The following DLGAP2 variants were observed in gnomAD, a reference collection of about 807,000 sequenced individuals.
The protein encoded by DLGAP2 is disks large-associated protein 2.
In DLGAP2, 26 loss-of-function variants were observed where a neutral mutation model predicts 100.3. That is an observed-to-expected ratio of 0.26 (90% CI 0.19 to 0.36). DLGAP2 has a LOEUF of 0.36. Among genes scored for constraint, DLGAP2 ranks in the 10% least tolerant of loss-of-function variants. The pLI is 1.00. For synonymous variants in DLGAP2, 886 were observed against 630.1 expected (o/e 1.41, Z -6.08); for missense variants, 1,858 against 1,453.2 (o/e 1.28, Z -4.53).
chr8:1,504,526 C>G (rs1799836307), intron 4 of DLGAP2, among the ~76,000 whole-genome samples: 1 of 152,152 alleles, frequency 6.6e-6, no homozygotes, highest in Admixed American at 6.5e-5. Flanking sequence ...AAATGCTGCA[C>G]CCTTCCGCCA....
chr8:1,569,567 T>A (rs1259871449), intron 6 of DLGAP2, among the ~76,000 whole-genome samples: 1 of 152,252 alleles, frequency 6.6e-6, no homozygotes, highest in Non-Finnish European at 1.5e-5. Flanking sequence ...TCTTAGTTTA[T>A]CTTATATTCC....
chr8:797,117 G>A (rs1796051623), intron 1 of DLGAP2, among the ~76,000 whole-genome samples: 1 of 152,172 alleles, frequency 6.6e-6, no homozygotes, highest in South Asian at 2.1e-4. Flanking sequence ...TATTAAGTGA[G>A]TTCCATGAGT....
chr8:1,568,252 C>T (rs1266679236), intron 6 of DLGAP2, among the ~76,000 whole-genome samples: 1 of 124,358 alleles, frequency 8.0e-6, no homozygotes, highest in Non-Finnish European at 1.7e-5. Context: ...CTGCCCATGG[C>T]CCCCGTGCCA....
At chr8:1,212,259 G>T (rs191351821) in intron 2 of DLGAP2, among the ~76,000 whole-genome samples, 1 of 152,164 alleles carries the variant, frequency 6.6e-6, no homozygotes, top group Non-Finnish European at 1.5e-5. Flanking sequence ...ATCTCACCAG[G>T]GAAAGAAGGG....
At chr8:969,425 T>A (rs530466727) in intron 2 of DLGAP2, among the ~76,000 whole-genome samples, 1 of 152,204 alleles carries the variant, frequency 6.6e-6, no homozygotes, top group South Asian at 2.1e-4. Flanking sequence ...TGGAGACTCC[T>A]GACGAATACA....
chr8:1,076,103 A>G (rs1328033820), intron 2 of DLGAP2, among the ~76,000 whole-genome samples: 1 of 152,150 alleles, frequency 6.6e-6, no homozygotes, highest in East Asian at 1.9e-4. Flanking sequence ...CGTTATCTAG[A>G]AAATCCACAA....
intron 3 of DLGAP2, among the ~76,000 whole-genome samples, chr8:1,380,513 A>C (rs34276508): frequency 0.027 from 4,160 of 151,422 alleles, 94 homozygotes; most frequent in Non-Finnish European, 0.04. Context: ...GACTTGTGAT[A>C]AGCGAGGCTT....
intron 3 of DLGAP2, among the ~76,000 whole-genome samples, chr8:1,309,724 TG>T (rs1800569178): frequency 1.3e-5 from 2 of 152,226 alleles, no homozygotes; most frequent in African/African-American, 4.8e-5. Context: ...CCACCTTTGT[TG>T]CTACAGAAAT....
chr8:1,253,097 G>A (rs368167413), intron 2 of DLGAP2, among the ~76,000 whole-genome samples: 3 of 152,296 alleles, frequency 2.0e-5, no homozygotes, highest in Non-Finnish European at 4.4e-5. Flanking sequence ...CTGTCCCCGC[G>A]TGGCTTCCTG....
intron 2 of DLGAP2, among the ~76,000 whole-genome samples, chr8:931,699 T>A (rs576547127): frequency 6.6e-6 from 1 of 152,336 alleles, no homozygotes; most frequent in East Asian, 1.9e-4. Flanking sequence ...GGCCACGCCC[T>A]GGCTCCCAGC....
Position 1,230,142 on chromosome 8 carries a change from C to A in DLGAP2, c.74-28709C>A, listed in dbSNP as rs973709075. 7.2e-5 allele frequency among the ~76,000 whole-genome samples: 11 copies of A among 152,134 alleles called. 1 individual carries two copies. Among genetic ancestry groups the A allele is most frequent in the African/African-American group, 2.7e-4 (11 of 41,436 alleles). ...AGACTCTGCCAAAGGGCTCCTGGAA[C>A]TGATAAAGAAAATTTCAGTAAAATT... On this transcript the variant is annotated intron_variant, in intron 2 of 14. Transcript: ENST00000637795.
At chr8:1,334,584 C>T (rs1801229045) in intron 3 of DLGAP2, among the ~76,000 whole-genome samples, 1 of 152,094 alleles carries the variant, frequency 6.6e-6, no homozygotes. Context: ...CCTTCCCCAC[C>T]TGCCCTCGAC....
chr8:1,504,086 C>G (rs768818754), intron 4 of DLGAP2, among the ~76,000 whole-genome samples: 1 of 152,074 alleles, frequency 6.6e-6, no homozygotes, highest in East Asian at 1.9e-4. Context: ...GACCCTGGTT[C>G]TATGTCAGTC....
In DLGAP2 at chr8:1,701,200, G is replaced by A; in HGVS notation, c.2962G>A (p.Val988Ile). 1.9e-6 allele frequency: 3 copies of A among 1,564,088 alleles called. No individual in the cohort carries two copies. Among genetic ancestry groups the A allele is most frequent in the Non-Finnish European group, 2.6e-6 (3 of 1,155,020 alleles). The change falls in exon 15 of 15, where the codon GTC becomes ATC. Residue 988 changes from valine to isoleucine, a missense_variant. Physicochemically the swap from Val to Ile is conservative, Grantham distance 29. Coordinates refer to ENST00000637795, the MANE Select transcript of DLGAP2 (RefSeq NM_001346810.2). ...CGCTGCTTTTCAGGAAGAAAGAAAGGTCCCGCCTCCAATACCAAAGAAGCC... is the reference window on the plus strand; with the variant it reads ...CGCTGCTTTTCAGGAAGAAAGAAAGATCCCGCCTCCAATACCAAAGAAGCC... ...ESPERKEERKVPPPIPKKPPK... is the reference protein window; with the variant it reads ...ESPERKEERKIPPPIPKKPPK...
intron 1 of DLGAP2, chr8:893,157 C>T (rs555349027): frequency 3.7e-4 from 56 of 152,312 alleles, no homozygotes; most frequent in African/African-American, 1.2e-3. Flanking sequence ...CCTGCTGAGC[C>T]GCGTGCAACG....
intron 1 of DLGAP2, among the ~76,000 whole-genome samples, chr8:879,494 C>T (rs1797745731): frequency 6.6e-6 from 1 of 152,160 alleles, no homozygotes; most frequent in Non-Finnish European, 1.5e-5. Flanking sequence ...CATCTTTCTG[C>T]CATCATCCCT....
At chr8:1,067,101 G>A (rs1278480213) in intron 2 of DLGAP2, among the ~76,000 whole-genome samples, 1 of 152,146 alleles carries the variant, frequency 6.6e-6, no homozygotes, top group African/African-American at 2.4e-5. Context: ...GGGTGGCTCT[G>A]ACCCAGCCTC....
intron 8 of DLGAP2, among the ~76,000 whole-genome samples, chr8:1,656,133 G>T (rs941862070): frequency 1.3e-5 from 2 of 152,206 alleles, no homozygotes; most frequent in African/African-American, 4.8e-5. Context: ...AGACCAGCCT[G>T]TCCAACATGG....
chr8:756,580 C>G (rs759088263), intron 1 of DLGAP2, among the ~76,000 whole-genome samples: 3 of 152,090 alleles, frequency 2.0e-5, no homozygotes, highest in Non-Finnish European at 4.4e-5. Flanking sequence ...GCAGCCTACC[C>G]TGAGATCATA....
Sources: gnomAD v4.1 joint callset for allele counts (sites outside exome capture counted in the v4.1 genomes callset) on GRCh38, gnomAD v4.1.1 for gene constraint, MANE v1.5 for transcripts, NCBI Gene and HGNC (gene_info 2026-07-23, HGNC 2026-07-21) for gene names.